The following SRA1 variants were observed in gnomAD, a reference collection of about 807,000 sequenced individuals.
The protein encoded by SRA1 is steroid receptor RNA activator 1.
A neutral mutation model predicts 24.3 loss-of-function variants in SRA1; 25 were observed. The ratio of observed to expected loss-of-function variants is 1.03; its 90% CI spans 0.75 to 1.43. SRA1 has a LOEUF of 1.43. Among genes scored for constraint, SRA1 ranks in the 40% most tolerant of loss-of-function variants. SRA1 has a pLI of 0.00. For synonymous variants in SRA1, 104 were observed against 109.5 expected (o/e 0.95, Z 0.31); for missense variants, 303 against 286.6 (o/e 1.06, Z -0.41).
chr5:140,554,709 A>G (rs1754645712), intron 2 of SRA1, among the ~76,000 whole-genome samples: 1 of 152,176 alleles, frequency 6.6e-6, no homozygotes, highest in South Asian at 2.1e-4. Context: ...CCATTTTCAG[A>G]TACTGTCCCA....
At chr5:140,555,971 A>C (rs1179305390) in intron 2 of SRA1, among the ~76,000 whole-genome samples, 1 of 152,258 alleles carries the variant, frequency 6.6e-6, no homozygotes, top group Non-Finnish European at 1.5e-5. Flanking sequence ...GTTTTCACAC[A>C]GCAGACACAG....
upstream of SRA1, chr5:140,557,548 G>C (rs1215611638): frequency 7.0e-7 from 1 of 1,422,280 alleles, no homozygotes; most frequent in Non-Finnish European, 9.4e-7. Flanking sequence ...GCGGGTTGCC[G>C]GAATCCGTGG....
chr5:140,554,124 C>T (rs1054504762), intron 2 of SRA1, among the ~76,000 whole-genome samples: 1 of 152,156 alleles, frequency 6.6e-6, no homozygotes, highest in African/African-American at 2.4e-5. Context: ...CCCCCTTACC[C>T]CTTCCAGCTC....
At chr5:140,551,365 C>A in intron 3 of SRA1, 196 bp from the exon 4 acceptor site, 2 of 547,340 alleles carry the variant, frequency 3.7e-6, no homozygotes, top group Admixed American at 3.1e-5. Flanking sequence ...TCTGACACTG[C>A]CTGATGTTTC....
chr5:140,557,988 C>G (rs1172491320), upstream of SRA1: 2 of 173,748 alleles, frequency 1.2e-5, no homozygotes, highest in Non-Finnish European at 2.5e-5. Flanking sequence ...TGTATTACAT[C>G]ACATCTTCTG....
Position 140,550,498 on chromosome 5 carries a change from C to T in SRA1, c.*202G>A, listed in dbSNP as rs1355283448. On this transcript the variant is annotated 3_prime_UTR_variant, in exon 5 of 5. Coordinates refer to ENST00000336283, the MANE Select transcript of SRA1 (RefSeq NM_001035235.4). ...CACCGGAAGGGTTCATCTCTCCTACCCAAGGCCCACCGCAGAGATGTTTTT... is the reference window on the plus strand; with the variant it reads ...CACCGGAAGGGTTCATCTCTCCTACTCAAGGCCCACCGCAGAGATGTTTTT... 3 of 609,332 alleles carry T rather than the reference C, an allele frequency of 4.9e-6. No individual in the cohort carries two copies. Among genetic ancestry groups the T allele is most frequent in the Non-Finnish European group, 8.8e-6 (3 of 342,798 alleles). The allele number at this position is 609,332 out of a possible 1,614,324, so 37.7% of individuals were successfully genotyped here.
intron 2 of SRA1, among the ~76,000 whole-genome samples, chr5:140,554,759 A>T (rs1187416616): frequency 6.6e-6 from 1 of 152,170 alleles, no homozygotes; most frequent in Non-Finnish European, 1.5e-5. Context: ...AGCTCTTTAT[A>T]GTCACTCTCT....
chr5:140,550,409 G>A lies in SRA1; in HGVS notation c.*291C>T. 2.1e-6 allele frequency: 1 copy of A among 467,644 alleles called. No individual in the cohort carries two copies. The highest frequency in any genetic ancestry group is 4.0e-5 in the East Asian group (1 of 25,110). The allele number at this position is 467,644 out of a possible 1,614,324, so 29.0% of individuals were successfully genotyped here. ...CCCTTCCTGATGAATGGAGAAGGGAGAACAGAGGTTTGCAGATACACAGGG... is the reference window on the plus strand; with the variant it reads ...CCCTTCCTGATGAATGGAGAAGGGAAAACAGAGGTTTGCAGATACACAGGG... On this transcript the variant is annotated 3_prime_UTR_variant, in exon 5 of 5. Transcript: ENST00000336283.
At chr5:140,556,971 T>G (rs940795160) in intron 2 of SRA1, among the ~76,000 whole-genome samples, 176 bp downstream of exon 2, 1 of 152,148 alleles carries the variant, frequency 6.6e-6, no homozygotes, top group Non-Finnish European at 1.5e-5. Flanking sequence ...TTTATTAACC[T>G]GAGCAGCAGA....
chr5:140,557,138 C>T lies in SRA1; in HGVS notation c.151+9G>A. 6.3e-7 allele frequency: 1 copy of T among 1,587,018 alleles called. No individual in the cohort carries two copies. Reference sequence around the variant, plus strand: ...TCCGTCTGTCTCCGAGCACAGGGGCCCCACGCACCTCTGGGGGATCCATCC... The same window carrying T: ...TCCGTCTGTCTCCGAGCACAGGGGCTCCACGCACCTCTGGGGGATCCATCC... On this transcript the variant is annotated intron_variant, in intron 2 of 4. Coordinates refer to ENST00000336283, the MANE Select transcript of SRA1 (RefSeq NM_001035235.4).
At position 140,551,186 on chromosome 5, in the gene SRA1, C is replaced by T. The variant is rs755482585; in HGVS notation, c.355-17G>A. ...TACCTGCTTCTAAGAGACAGAAGCC[C>T]CCCTCCAATTCAGTGCTGCCAGCCC... On this transcript the variant is annotated splice_polypyrimidine_tract_variant and intron_variant, in intron 3 of 4. Coordinates refer to ENST00000336283, the MANE Select transcript of SRA1 (RefSeq NM_001035235.4). 3.7e-6 allele frequency: 6 copies of T among 1,601,342 alleles called. No homozygotes were observed. The highest frequency in any genetic ancestry group is 3.4e-4 in the Middle Eastern group (2 of 5,852).
chr5:140,551,110 T>C lies in SRA1; in HGVS notation c.414A>G (p.Gly138=), dbSNP rs777367893. 2 of 1,614,186 alleles carry C rather than the reference T, an allele frequency of 1.2e-6. No homozygotes were observed. Among genetic ancestry groups the C allele is most frequent in the Non-Finnish European group, 1.7e-6 (2 of 1,180,028 alleles). Residue 138 remains glycine (G), a synonymous_variant, in exon 4 of 5, where the codon GGA becomes GGG. Coordinates refer to ENST00000336283, the MANE Select transcript of SRA1 (RefSeq NM_001035235.4). The part of the protein sequence containing the change: ...RLALLQEQWA[G]GKLSIPVKKR... ...TCTTTACAGGTATTGACAACTTTCC[T>C]CCAGCCCACTGTTCCTGCAGCAGTG...
chr5:140,557,063 A>G (rs1319311416), intron 2 of SRA1, 84 bp downstream of exon 2: 6 of 1,324,614 alleles, frequency 4.5e-6, no homozygotes, highest in Non-Finnish European at 6.2e-6. Context: ...TCGGGGAGAG[A>G]AAAAAGCCTT....
chr5:140,551,740 G>A, intron 3 of SRA1: 1 of 433,398 alleles, frequency 2.3e-6, no homozygotes, highest in Non-Finnish European at 4.1e-6. Flanking sequence ...TCACTAATAG[G>A]AGCTGAATTC....
intron 2 of SRA1, 146 bp downstream of exon 2, chr5:140,557,001 C>A: frequency 1.4e-6 from 1 of 694,492 alleles, no homozygotes; most frequent in Non-Finnish European, 2.4e-6. Context: ...CGGAAAAGCA[C>A]CTGCTCTGAG....
chr5:140,553,232 C>T (rs1335812168), intron 2 of SRA1, among the ~76,000 whole-genome samples: 1 of 151,370 alleles, frequency 6.6e-6, no homozygotes, highest in Non-Finnish European at 1.5e-5. Context: ...TCCCAGCACA[C>T]TGGGAGGCAG....
intron 2 of SRA1, among the ~76,000 whole-genome samples, chr5:140,554,761 T>G (rs1254615938): frequency 6.6e-6 from 1 of 152,222 alleles, no homozygotes; most frequent in Non-Finnish European, 1.5e-5. Flanking sequence ...CTCTTTATAG[T>G]CACTCTCTCT....
Position 140,550,795 on chromosome 5 carries a change from T to C in SRA1, c.580A>G (p.Arg194Gly), listed in dbSNP as rs143729909. 9.9e-5 allele frequency: 159 copies of C among 1,614,032 alleles called. No homozygotes were observed. Among genetic ancestry groups the C allele is most frequent in the Non-Finnish European group, 1.4e-5 (17 of 1,180,028 alleles). The change falls in exon 5 of 5, where the codon AGG becomes GGG. Residue 194 changes from arginine (R) to glycine (G), a missense_variant. Coordinates refer to ENST00000336283, the MANE Select transcript of SRA1 (RefSeq NM_001035235.4). The stretch of plus-strand genomic sequence containing the variant: ...GCTGCCTCCTCTGAAAACAGACTCC[T>C]CTTTTCTGCAATTAATCTTTTAACT... ...VGVKRLIAEK[R>G]SLFSEEAANE...
intron 2 of SRA1, among the ~76,000 whole-genome samples, chr5:140,555,269 C>T (rs561734757): frequency 6.7e-6 from 1 of 148,856 alleles, no homozygotes; most frequent in African/African-American, 2.5e-5. Flanking sequence ...GGTTTTGTCA[C>T]AGAATATCAC....
Sources: allele counts gnomAD v4.1 joint callset (sites outside exome capture counted in the v4.1 genomes callset), GRCh38; gene constraint gnomAD v4.1.1; transcripts MANE v1.5; gene names NCBI Gene and HGNC (gene_info 2026-07-23, HGNC 2026-07-21).